The following NPR2 variants were observed in gnomAD, a reference collection of about 807,000 sequenced individuals.
NPR2 encodes the protein atrial natriuretic peptide receptor 2.
A neutral mutation model predicts 120.7 loss-of-function variants in NPR2; 49 were observed. The observed-to-expected ratio is 0.41, with a 90% CI of 0.32 to 0.52. The LOEUF is 0.52. NPR2 is among the 20% of genes least tolerant of loss of function. The pLI, the probability that NPR2 is intolerant of heterozygous loss-of-function variation, is 0.36. For synonymous variants in NPR2, 484 were observed against 519.8 expected (o/e 0.93, Z 0.94); for missense variants, 931 against 1,362.9 (o/e 0.68, Z 4.99).
rs1208589051 is a variant in NPR2, at chr9:35,807,310, T to C, written c.2644-20T>C. ...AATTGGGCACAAGTCTCAGGGCCTCTGCTTTTCTATCCCTTTTAGGTAGTG... is the reference window on the plus strand; with the variant it reads ...AATTGGGCACAAGTCTCAGGGCCTCCGCTTTTCTATCCCTTTTAGGTAGTG... On this transcript the variant is annotated intron_variant, in intron 17 of 21. Coordinates refer to ENST00000342694, the MANE Select transcript of NPR2 (RefSeq NM_003995.4). The C allele has an allele frequency of 6.2e-7, 1 of 1,606,636 alleles. No homozygotes were observed. The highest frequency in any genetic ancestry group is 1.3e-5 in the African/African-American group (1 of 74,886).
In NPR2 at chr9:35,809,643, C is replaced by T. The variant is rs577837290; in HGVS notation, c.*198C>T. ...TACCTGTCCCTCTCTGGCTTGGTCC[C>T]CTTCCTCCCTACTTTCTGTAAATAT... On this transcript the variant is annotated 3_prime_UTR_variant, in exon 22 of 22. Coordinates refer to ENST00000342694, the MANE Select transcript of NPR2 (RefSeq NM_003995.4). This position sits in a 1 kb window ranked among gnomAD's most constrained non-coding sequence, Gnocchi z 4.1. 9.0e-6 allele frequency: 10 copies of T among 1,111,222 alleles called. No individual in the cohort carries two copies. The African/African-American group carries it at 1.4e-4, about 15-fold the overall frequency. The allele number at this position is 1,111,222 out of a possible 1,614,324, so 68.8% of individuals were successfully genotyped here.
chr9:35,809,303 G>A lies in NPR2; in HGVS notation c.3078+56G>A, dbSNP rs528335167. On this transcript the variant is annotated intron_variant, in intron 21 of 21. Coordinates refer to ENST00000342694, the MANE Select transcript of NPR2 (RefSeq NM_003995.4). This position sits in a 1 kb window ranked among gnomAD's most constrained non-coding sequence, Gnocchi z 4.1. ...GAAAGGGAGGGTGAAAGTGATTATGGGAATCATAGGGAAAGAGAGGGAGAC... is the reference window on the plus strand; with the variant it reads ...GAAAGGGAGGGTGAAAGTGATTATGAGAATCATAGGGAAAGAGAGGGAGAC... The A allele has an allele frequency of 1.6e-5, 25 of 1,609,832 alleles. No homozygotes were observed. In the South Asian group the frequency reaches 2.7e-4, roughly 18 times the overall value.
chr9:35,801,039 G>A (rs751600732), intron 6 of NPR2, 31 bp from the exon 7 acceptor site: 2 of 1,598,200 alleles, frequency 1.3e-6, no homozygotes, highest in Admixed American at 3.3e-5. Flanking sequence ...TCCGCACACA[G>A]TCTTCCTCAG....
At chr9:35,801,179 C>A in intron 7 of NPR2, 25 bp downstream of exon 7, 1 of 1,552,146 alleles carries the variant, frequency 6.4e-7, no homozygotes, top group South Asian at 1.1e-5. Context: ...TCTTGCTGAC[C>A]TACTCCCTGC....
chr9:35,801,786 C>G, intron 8 of NPR2, 23 bp downstream of exon 8: 1 of 1,614,056 alleles, frequency 6.2e-7, no homozygotes, highest in East Asian at 2.2e-5. Context: ...CTCAGCTGTT[C>G]CTCTGCCTCC....
chr9:35,807,974 G>C, intron 18 of NPR2: 2 of 582,234 alleles, frequency 3.4e-6, no homozygotes, highest in Non-Finnish European at 6.1e-6. Flanking sequence ...GCATGTGGCA[G>C]ACTACTATTT....
chr9:35,792,648 A>T lies in NPR2; in HGVS notation c.240A>T (p.Ala80=), dbSNP rs1378062522. ...ELEGACSEYL[A]PLSAVDLKLY... ...AAGGCGCCTGCTCTGAGTACCTGGC[A>T]CCGCTGAGCGCTGTGGACCTCAAGC... Residue 80 remains alanine, a synonymous_variant, in exon 1 of 22, where the codon GCA becomes GCT. Transcript: ENST00000342694. 3 of 1,613,858 alleles carry T rather than the reference A, an allele frequency of 1.9e-6. No individual in the cohort carries two copies. Among genetic ancestry groups the T allele is most frequent in the Non-Finnish European group, 2.5e-6 (3 of 1,180,034 alleles).
rs1376982506 is a variant in NPR2, at chr9:35,803,327, A to T, written c.1887+524A>T. ...CACCGTTTTAGCCGGGATGGTCTCG[A>T]TCTCTTGACCTCGTGATCCGCCCGC... On this transcript the variant is annotated intron_variant, in intron 12 of 21. Coordinates refer to ENST00000342694, the MANE Select transcript of NPR2 (RefSeq NM_003995.4). Among the ~76,000 whole-genome samples the T allele has an allele frequency of 4.8e-5, 4 of 83,340 alleles. 1 individual carries two copies. Among genetic ancestry groups the T allele is most frequent in the African/African-American group, 1.6e-4 (2 of 12,720 alleles). 54.7% of individuals were successfully genotyped at this position (83,340 alleles called of 152,430 possible).
At position 35,792,597 on chromosome 9, in the gene NPR2, C is replaced by T; in HGVS notation, c.189C>T (p.Asp63=). 1.2e-6 allele frequency: 2 copies of T among 1,613,524 alleles called. No individual in the cohort carries two copies. Among genetic ancestry groups the T allele is most frequent in the African/African-American group, 1.3e-5 (1 of 75,048 alleles). The stretch of plus-strand genomic sequence containing the variant: ...CTCTGGGCCGGGCACTGCCCGTGGA[C>T]CTGCGGTTTGTCAGCTCCGAACTGG... ...VEALGRALPV[D]LRFVSSELEG... Residue 63 remains aspartate (D), a synonymous_variant, in exon 1 of 22, where the codon GAC becomes GAT. Coordinates refer to ENST00000342694, the MANE Select transcript of NPR2 (RefSeq NM_003995.4).
Position 35,805,868 on chromosome 9 carries a change from C to A in NPR2, c.2086C>A (p.Pro696Thr). ...TGCCCCAGAACTGCTCAGTGGGAAC[C>A]CCTTGCCAACCACAGGCATGCAGAA... is the stretch of plus-strand genomic sequence containing the variant. Reference protein sequence around the residue: ...WTAPELLSGNPLPTTGMQKAD... With the variant: ...WTAPELLSGNTLPTTGMQKAD... Residue 696 changes from proline to threonine, a missense_variant, in exon 14 of 22, where the codon CCC (proline) becomes ACC (threonine). Physicochemically the swap from Pro to Thr is conservative, Grantham distance 38. Coordinates refer to ENST00000342694, the MANE Select transcript of NPR2 (RefSeq NM_003995.4). This position sits in a 1 kb window ranked among gnomAD's most constrained non-coding sequence, Gnocchi z 4.9. 6.2e-7 allele frequency: 1 copy of A among 1,614,130 alleles called. No individual in the cohort carries two copies. Among genetic ancestry groups the A allele is most frequent in the South Asian group, 1.1e-5 (1 of 91,086 alleles).
rs1264038636 is a variant in NPR2 at position 35,802,186 on chromosome 9, C to G, written c.1633-20C>G. ...ACTTCTGATATTCACTTTCCTTTCC[C>G]CTTTCACTCCCACCATCAGGGAAAT... On this transcript the variant is annotated intron_variant, in intron 9 of 21. Coordinates refer to ENST00000342694, the MANE Select transcript of NPR2 (RefSeq NM_003995.4). The surrounding 1 kb of genome is among the most constrained non-coding windows in gnomAD (Gnocchi z 4.2). 1.6e-5 allele frequency: 24 copies of G among 1,535,946 alleles called. No homozygotes were observed. The highest frequency in any genetic ancestry group is 2.1e-5 in the Non-Finnish European group (23 of 1,108,830).
chr9:35,793,291 G>C (rs775082369), intron 1 of NPR2, among the ~76,000 whole-genome samples: 24 of 152,296 alleles, frequency 1.6e-4, no homozygotes, highest in Non-Finnish European at 1.8e-4. Flanking sequence ...AGGAAGAAGA[G>C]AGCATGAGGG....
chr9:35,799,946 A>G, intron 3 of NPR2, 76 bp from the exon 4 acceptor site: 1 of 1,597,700 alleles, frequency 6.3e-7, no homozygotes, highest in Non-Finnish European at 8.6e-7. Flanking sequence ...GAGAATAGGT[A>G]GAAGGGAGAC....
intron 7 of NPR2, 37 bp downstream of exon 7, chr9:35,801,191 C>T: frequency 6.8e-7 from 1 of 1,464,906 alleles, no homozygotes; most frequent in Non-Finnish European, 9.6e-7. Context: ...ACTCCCTGCC[C>T]CCATTGCCAC....
chr9:35,802,447 A>G lies in NPR2; in HGVS notation c.1711-56A>G, dbSNP rs1828206554. 1 of 1,076,128 alleles carries G rather than the reference A, an allele frequency of 9.3e-7. No individual in the cohort carries two copies. The highest frequency in any genetic ancestry group is 1.7e-5 in the Admixed American group (1 of 59,280). 66.7% of individuals were successfully genotyped at this position (1,076,128 alleles called of 1,614,324 possible). A position where few individuals can be genotyped will look rare whatever the true frequency, so the allele number is the denominator to read the frequency against. On this transcript the variant is annotated intron_variant, in intron 10 of 21. Coordinates refer to ENST00000342694, the MANE Select transcript of NPR2 (RefSeq NM_003995.4). This position sits in a 1 kb window ranked among gnomAD's most constrained non-coding sequence, Gnocchi z 4.2. ...CTCTTATGTAGTGGTAAGTTTCTGT[A>G]TCTAATTTTTAACTCTTTCAATTTT...
At position 35,800,947 on chromosome 9, in the gene NPR2, C is replaced by A; in HGVS notation, c.1351+106C>A. The A allele has an allele frequency of 6.4e-7, 1 of 1,552,830 alleles. No individual in the cohort carries two copies. The highest frequency in any genetic ancestry group is 8.9e-7 in the Non-Finnish European group (1 of 1,124,192). On this transcript the variant is annotated intron_variant, in intron 6 of 21. Transcript: ENST00000342694. This position sits in a 1 kb window ranked among gnomAD's most constrained non-coding sequence, Gnocchi z 4.7. Reference sequence around the variant, plus strand: ...CTTAACTGTGCTTCTGCCTTTACGTCTGCATCCCTCCCTCCTCATTTCTTC... The same window carrying A: ...CTTAACTGTGCTTCTGCCTTTACGTATGCATCCCTCCCTCCTCATTTCTTC...
At chr9:35,801,529 C>A in intron 7 of NPR2, 114 bp from the exon 8 acceptor site, 1 of 1,093,154 alleles carries the variant, frequency 9.1e-7, no homozygotes, top group Non-Finnish European at 1.4e-6. Flanking sequence ...CCCTGTCTCT[C>A]AGGTGTAACA....
chr9:35,807,185 TG>T (rs1828443164), intron 17 of NPR2, 39 bp downstream of exon 17: 3 of 271,428 alleles, frequency 1.1e-5, no homozygotes, highest in South Asian at 2.2e-5. Context: ...TGGGGTTGGG[TG>T]GGTAGGGACC....
chr9:35,809,026 C>T lies in NPR2; in HGVS notation c.2987-130C>T. ...TTGGGAGGTTGGGCATATTTTGGTC[C>T]TAATAGATATGCATTGGGAGCTTCC... On this transcript the variant is annotated intron_variant, in intron 20 of 21. Transcript: ENST00000342694. This position sits in a 1 kb window ranked among gnomAD's most constrained non-coding sequence, Gnocchi z 4.1. The T allele has an allele frequency of 1.9e-6, 2 of 1,039,380 alleles. No homozygotes were observed. Among genetic ancestry groups the T allele is most frequent in the South Asian group, 1.3e-5 (1 of 79,258 alleles). 64.4% of individuals were successfully genotyped at this position (1,039,380 alleles called of 1,614,324 possible).
Sources: gnomAD v4.1 joint callset for allele counts (sites outside exome capture counted in the v4.1 genomes callset) on GRCh38, gnomAD v4.1.1 for gene constraint, Gnocchi (gnomAD v3.1) non-coding constraint, MANE v1.5 for transcripts, NCBI Gene and HGNC (gene_info 2026-07-23, HGNC 2026-07-21) for gene names.